The following MYO15A variants were observed in gnomAD, a reference collection of about 807,000 sequenced individuals.
The protein encoded by MYO15A is myosin XVA, also known as unconventional myosin-XV.
In MYO15A, 308 loss-of-function variants were observed where a neutral mutation model predicts 394.6. That is an observed-to-expected ratio of 0.78 (90% CI 0.71 to 0.86). The LOEUF (loss-of-function observed/expected upper bound fraction) is 0.86, where lower values mean the gene tolerates loss of function less well. Among genes scored for constraint, MYO15A ranks in the 40% least tolerant of loss-of-function variants. MYO15A has a pLI of 0.00. For synonymous variants in MYO15A, 1,957 were observed against 2,003.8 expected (o/e 0.98, Z 0.62); for missense variants, 4,606 against 4,799.1 (o/e 0.96, Z 1.19).
chr17:18,146,789 G>A (rs1000211270), intron 30 of MYO15A, among the ~76,000 whole-genome samples: 1 of 152,152 alleles, frequency 6.6e-6, no homozygotes, highest in African/African-American at 2.4e-5. Flanking sequence ...GCTAGGCATA[G>A]TGGCACACGC....
In MYO15A at chr17:18,156,273, C is replaced by T. The variant is rs760236923; in HGVS notation, c.8538C>T (p.Leu2846=). ...EFNLASEKVI[L]FSARAHQVKT... is the part of the protein sequence containing the mutation. ...ACCTGGCCAGTGAGAAGGTCATCCT[C>T]TTCTCAGCCCGAGCGCACCAGGTCA... Residue 2846 remains leucine, a synonymous_variant, in exon 48 of 66, where the codon CTC becomes CTT. Transcript: ENST00000647165. 1.9e-6 allele frequency: 3 copies of T among 1,614,194 alleles called. No homozygotes were observed. The highest frequency in any genetic ancestry group is 2.5e-6 in the Non-Finnish European group (3 of 1,180,028).
chr17:18,113,613 GTC>G (rs1248422238), intron 1 of MYO15A, among the ~76,000 whole-genome samples: 1 of 152,008 alleles, frequency 6.6e-6, no homozygotes, highest in Non-Finnish European at 1.5e-5. Flanking sequence ...ACAAAAATTA[GTC>G]AGGCATGGTG....
Position 18,136,658 on chromosome 17 carries a change from T to C in MYO15A, c.4751T>C (p.Ile1584Thr). 1 of 1,611,690 alleles carries C rather than the reference T, an allele frequency of 6.2e-7. No individual in the cohort carries two copies. The highest frequency in any genetic ancestry group is 8.5e-7 in the Non-Finnish European group (1 of 1,179,472). ...TCCCCAAGGCAGGACACACTGTCCA[T>C]CGCCATCCTGGACATCTATGGTTTC... ...LVSPRQDTLS[I>T]AILDIYGFED... is the part of the protein sequence containing the mutation. Residue 1584 changes from isoleucine (I) to threonine (T), a missense_variant, in exon 15 of 66, where the codon ATC (isoleucine) becomes ACC (threonine). Transcript: ENST00000647165.
Position 18,136,462 on chromosome 17 carries a change from G to T in MYO15A, c.4642G>T (p.Ala1548Ser), listed in dbSNP as rs201067821. 6.2e-7 allele frequency: 1 copy of T among 1,613,674 alleles called. No individual in the cohort carries two copies. Among genetic ancestry groups the T allele is most frequent in the South Asian group, 1.1e-5 (1 of 91,086 alleles). ...CTTCACGCCCCTAACTGTGGAGAGC[G>T]CTGTGGATGCCAGGTGAGGCCACGC... ...KIFTPLTVESAVDARDAIAKV... is the reference protein window; with the variant it reads ...KIFTPLTVESSVDARDAIAKV... Residue 1548 changes from alanine to serine, a missense_variant, in exon 14 of 66, where the codon GCT becomes TCT. Physicochemically the swap from Ala to Ser is moderately conservative, Grantham distance 99. This residue lies in a region of MYO15A where 2,776 missense variants were observed against 3,109.3 expected (regional missense o/e 0.89). Transcript: ENST00000647165.
In MYO15A at chr17:18,120,536, C is replaced by T. The variant is rs781420048; in HGVS notation, c.1736C>T (p.Thr579Met). The change falls in exon 2 of 66, where the codon ACG becomes ATG. Residue 579 changes from threonine (T) to methionine (M), a missense_variant. Physicochemically the swap from Thr to Met is moderately conservative, Grantham distance 81. This residue lies in a region of MYO15A where 1,830 missense variants were observed against 1,689.7 expected (regional missense o/e 1.08). Transcript: ENST00000647165. ...ATSLARFLKK[T>M]LSEKKPIARL... The stretch of plus-strand genomic sequence containing the variant: ...TCGCTTGCGCGGTTCCTCAAGAAGA[C>T]GCTGTCGGAGAAGAAGCCCATCGCG... 11 of 1,594,102 alleles carry T rather than the reference C, an allele frequency of 6.9e-6. No homozygotes were observed. In the African/African-American group the frequency reaches 1.2e-4, roughly 17 times the overall value.
chr17:18,112,033 G>A (rs556336251), intron 1 of MYO15A, among the ~76,000 whole-genome samples: 20 of 152,314 alleles, frequency 1.3e-4, no homozygotes, highest in African/African-American at 4.8e-4. Context: ...GCTTTGCAGT[G>A]GAAAGATGCC....
chr17:18,118,491 G>A (rs998466035), intron 1 of MYO15A, 91 bp from the exon 2 acceptor site: 1 of 439,492 alleles, frequency 2.3e-6, no homozygotes. Flanking sequence ...TGACGACTCC[G>A]AGGCCAGAAT....
chr17:18,133,742 C>T (rs1372107937), intron 12 of MYO15A, among the ~76,000 whole-genome samples: 5 of 151,540 alleles, frequency 3.3e-5, no homozygotes, highest in East Asian at 3.9e-4. Flanking sequence ...CTGCAACCAC[C>T]GCCTCCCAGG....
intron 4 of MYO15A, chr17:18,125,683 TGACA>T (rs2142276952): frequency 2.5e-5 from 3 of 120,314 alleles, no homozygotes; most frequent in Admixed American, 2.1e-4. Context: ...CCAGCCTGGG[TGACA>T]GACAGAGCGA....
At position 18,148,783 on chromosome 17, in the gene MYO15A, G is replaced by A. The variant is rs375459945; in HGVS notation, c.6787G>A (p.Gly2263Ser). 25 of 1,601,796 alleles carry A rather than the reference G, an allele frequency of 1.6e-5. No individual in the cohort carries two copies. The highest frequency in any genetic ancestry group is 6.8e-5 in the Admixed American group (4 of 59,032). Residue 2263 changes from glycine to serine, a missense_variant, in exon 33 of 66, where the codon GGC becomes AGC. Physicochemically the swap from Gly to Ser is moderately conservative, Grantham distance 56 (BLOSUM62 0). Transcript: ENST00000647165. The surrounding 1 kb of genome is among the most constrained non-coding windows in gnomAD (Gnocchi z 4.8). ...CAGGGGGCTGGCAGATGGCTGGCGC[G>A]GCTGGACCGTGGCCATGAAGAATGG... ...RHRGLADGWR[G>S]WTVAMKNGVQ...
At chr17:18,158,878 C>G in intron 52 of MYO15A, 47 bp from the exon 53 acceptor site, 2 of 1,607,060 alleles carry the variant, frequency 1.2e-6, no homozygotes, top group South Asian at 1.1e-5. Flanking sequence ...AAGGATGTAG[C>G]CAAGGCTTGG....
chr17:18,151,221 G>A lies in MYO15A; in HGVS notation c.7585G>A (p.Ala2529Thr). 1 of 1,613,980 alleles carries A rather than the reference G, an allele frequency of 6.2e-7. No individual in the cohort carries two copies. Among genetic ancestry groups the A allele is most frequent in the Non-Finnish European group, 8.5e-7 (1 of 1,180,002 alleles). The change falls in exon 39 of 66, where the codon GCT becomes ACT. Residue 2529 changes from alanine (A) to threonine (T), a missense_variant. Physicochemically the swap from Ala to Thr is moderately conservative, Grantham distance 58. This residue lies in a region of MYO15A where 2,776 missense variants were observed against 3,109.3 expected (regional missense o/e 0.89). Coordinates refer to ENST00000647165, the MANE Select transcript of MYO15A (RefSeq NM_016239.4). ...CTTGGCCCCAGCCCCTCTGGCCAAG[G>A]CTCCAAGGCTCCCCATCAAGCCTGT... ...KPLAPAPLAK[A>T]PRLPIKPVAA...
At chr17:18,126,554 G>C in intron 5 of MYO15A, 98 bp downstream of exon 5, 1 of 1,244,366 alleles carries the variant, frequency 8.0e-7, no homozygotes, top group Non-Finnish European at 1.1e-6. Flanking sequence ...ATGAGTCAGA[G>C]GTAATGGGGA....
At chr17:18,149,149 G>A in intron 33 of MYO15A, 67 bp from the exon 34 acceptor site, 2 of 1,598,730 alleles carry the variant, frequency 1.3e-6, no homozygotes, top group African/African-American at 1.3e-5. Context: ...CCAGGGTGCA[G>A]AAGAAAATTT....
At position 18,167,730 on chromosome 17, in the gene MYO15A, A is replaced by C. The variant is rs766683792; in HGVS notation, c.10082+7A>C. ...ACTTCTACCTGCCGAGCGTGTGAGC[A>C]TCTGCCCTCCTGCCTCAGCTGGGGT... On this transcript the variant is annotated splice_region_variant and intron_variant, in intron 62 of 65. Coordinates refer to ENST00000647165, the MANE Select transcript of MYO15A (RefSeq NM_016239.4). The C allele has an allele frequency of 6.2e-7, 1 of 1,602,520 alleles. No homozygotes were observed. Among genetic ancestry groups the C allele is most frequent in the East Asian group, 2.2e-5 (1 of 44,868 alleles).
rs1409457120 is a variant in MYO15A at position 18,153,595 on chromosome 17, G to A, written c.7967-180G>A. 2.6e-5 allele frequency: 12 copies of A among 461,114 alleles called. No homozygotes were observed. Among genetic ancestry groups the A allele is most frequent in the Non-Finnish European group, 3.7e-5 (12 of 321,886 alleles). 28.6% of individuals were successfully genotyped at this position (461,114 alleles called of 1,614,324 possible). ...CGCCTGTAATCCCAGCTACTCAGGA[G>A]GCTGAGGCAGGAGAATCGCTTGAAC... is the stretch of plus-strand genomic sequence containing the variant. On this transcript the variant is annotated intron_variant, in intron 42 of 65. Transcript: ENST00000647165. The surrounding 1 kb of genome is among the most constrained non-coding windows in gnomAD (Gnocchi z 4.1).
chr17:18,136,769 C>A, intron 15 of MYO15A, 83 bp downstream of exon 15: 4 of 1,513,914 alleles, frequency 2.6e-6, no homozygotes, highest in Non-Finnish European at 3.5e-6. Flanking sequence ...CCCTTCCCAT[C>A]CCTTTCTGTG....
chr17:18,119,239 G>A lies in MYO15A; in HGVS notation c.439G>A (p.Glu147Lys), dbSNP rs779440022. 21 of 1,612,426 alleles carry A rather than the reference G, an allele frequency of 1.3e-5. No homozygotes were observed. In the South Asian group the frequency reaches 1.5e-4, roughly 12 times the overall value. ...LTKKFLLKKA[E>K]ESGSEQATVD... ...AAAAAAGTTCCTCCTCAAGAAGGCC[G>A]AGGAGTCGGGCAGCGAACAGGCCAC... Residue 147 changes from glutamate to lysine, a missense_variant, in exon 2 of 66, where the codon GAG becomes AAG. Glu to Lys is a moderately conservative substitution (Grantham distance 56, BLOSUM62 1). Around this residue, in one of 2 missense-constraint regions of MYO15A, gnomAD observed 1,830 missense variants for 1,689.7 expected, o/e 1.08. Coordinates refer to ENST00000647165, the MANE Select transcript of MYO15A (RefSeq NM_016239.4).
At position 18,118,610 on chromosome 17, in the gene MYO15A, T is replaced by G; in HGVS notation, c.-191T>G. On this transcript the variant is annotated 5_prime_UTR_variant, in exon 2 of 66. The change abolishes an upstream ATG in the 5' untranslated region. Coordinates refer to ENST00000647165, the MANE Select transcript of MYO15A (RefSeq NM_016239.4). ...GAAACCCAAGGCGCTCTAGAGGAGATGAATTATGGATCCGCCCTCCCGGAA... is the reference window on the plus strand; with the variant it reads ...GAAACCCAAGGCGCTCTAGAGGAGAGGAATTATGGATCCGCCCTCCCGGAA... 1.3e-6 allele frequency: 1 copy of G among 749,898 alleles called. No individual in the cohort carries two copies. Among genetic ancestry groups the G allele is most frequent in the Non-Finnish European group, 2.1e-6 (1 of 470,076 alleles). The allele number at this position is 749,898 out of a possible 1,614,324, so 46.5% of individuals were successfully genotyped here. A position where few individuals can be genotyped will look rare whatever the true frequency, so the allele number is the denominator to read the frequency against.
Sources: gnomAD v4.1 joint callset for allele counts (sites outside exome capture counted in the v4.1 genomes callset) on GRCh38, gnomAD v4.1.1 for gene constraint, gnomAD v4.1.1 regional missense constraint, Gnocchi (gnomAD v3.1) non-coding constraint, MANE v1.5 for transcripts, NCBI Gene and HGNC (gene_info 2026-07-23, HGNC 2026-07-21) for gene names.